Variants in SNTB1 observed in about 807,000 individuals in gnomAD.
The protein encoded by SNTB1 is syntrophin beta 1.
Under a neutral mutation model 48.9 loss-of-function variants are expected in SNTB1, and 36 were observed. The ratio of observed to expected loss-of-function variants is 0.74; its 90% confidence interval spans 0.56 to 0.97. The LOEUF (loss-of-function observed/expected upper bound fraction) is 0.97. Among genes scored for constraint, SNTB1 ranks in the 50% least tolerant of loss-of-function variants. The pLI is 0.00. For missense variants in SNTB1, 786 were observed against 703.4 expected (o/e 1.12, Z -1.33); for synonymous variants, 299 against 294.6 (o/e 1.01, Z -0.15).
intron 1 of SNTB1, among the ~76,000 whole-genome samples, chr8:120,789,714 A>G (rs1819991158): frequency 6.6e-6 from 1 of 152,068 alleles, no homozygotes; most frequent in Non-Finnish European, 1.5e-5. Context: ...ACAGATCAAT[A>G]AAAAGCAATG....
intron 4 of SNTB1, among the ~76,000 whole-genome samples, chr8:120,561,067 C>G (rs1002148079): frequency 6.6e-6 from 1 of 151,848 alleles, no homozygotes; most frequent in Admixed American, 6.6e-5. Context: ...GTGGCTCATG[C>G]CTGTAATCCC....
chr8:120,804,126 T>C (rs769834958), intron 1 of SNTB1, among the ~76,000 whole-genome samples: 1 of 152,132 alleles, frequency 6.6e-6, no homozygotes, highest in Non-Finnish European at 1.5e-5. Context: ...TGGTGGATGA[T>C]GTGAGTCATA....
chr8:120,545,594 G>A (rs1395434671), intron 5 of SNTB1, among the ~76,000 whole-genome samples: 1 of 152,132 alleles, frequency 6.6e-6, no homozygotes, highest in African/African-American at 2.4e-5. Context: ...CTAAAGCTTG[G>A]AAGCATGGTT....
chr8:120,692,334 A>G (rs183545016), intron 2 of SNTB1, among the ~76,000 whole-genome samples: 16 of 152,160 alleles, frequency 1.1e-4, no homozygotes, highest in Non-Finnish European at 2.4e-4. Flanking sequence ...CTAGCCAAAT[A>G]CTTTCTATTC....
chr8:120,809,730 C>T (rs1338662714), intron 1 of SNTB1, among the ~76,000 whole-genome samples: 3 of 152,224 alleles, frequency 2.0e-5, no homozygotes, highest in Admixed American at 2.0e-4. Context: ...CACAAACCAA[C>T]ACACACTTGA....
chr8:120,610,541 TTTTG>T (rs372906528), intron 3 of SNTB1, among the ~76,000 whole-genome samples: 1 of 152,042 alleles, frequency 6.6e-6, no homozygotes, highest in Non-Finnish European at 1.5e-5. Context: ...GACTAAAGTT[TTTTG>T]TTTGTTTGTT....
At chr8:120,687,763 A>G (rs182665156) in intron 2 of SNTB1, among the ~76,000 whole-genome samples, 35 of 152,374 alleles carry the variant, frequency 2.3e-4, no homozygotes, top group Middle Eastern at 3.4e-3. Flanking sequence ...CAGCCTGCTC[A>G]CAATGAGAGG....
intron 4 of SNTB1, among the ~76,000 whole-genome samples, chr8:120,565,732 A>G (rs2130673620): frequency 6.6e-6 from 1 of 152,340 alleles, no homozygotes; most frequent in Middle Eastern, 3.4e-3. Flanking sequence ...CCACGGGGTA[A>G]GAAGAACCAC....
chr8:120,652,025 A>G (rs1245659531), intron 2 of SNTB1, among the ~76,000 whole-genome samples: 1 of 152,236 alleles, frequency 6.6e-6, no homozygotes, highest in Non-Finnish European at 1.5e-5. Context: ...GGAGATTTTT[A>G]CTGTATAACT....
chr8:120,725,200 C>A (rs901647946), intron 1 of SNTB1, among the ~76,000 whole-genome samples: 2 of 152,128 alleles, frequency 1.3e-5, no homozygotes, highest in Non-Finnish European at 2.9e-5. Flanking sequence ...AATGCTCCAG[C>A]CTTCAAACCT....
intron 3 of SNTB1, among the ~76,000 whole-genome samples, chr8:120,605,199 T>C (rs1190289227): frequency 2.0e-5 from 3 of 152,216 alleles, no homozygotes; most frequent in Non-Finnish European, 4.4e-5. Flanking sequence ...TGCAGTCCCC[T>C]TTCTATAGGG....
chr8:120,679,448 T>C (rs760388286), intron 2 of SNTB1, among the ~76,000 whole-genome samples: 5 of 152,254 alleles, frequency 3.3e-5, no homozygotes, highest in South Asian at 2.1e-4. Flanking sequence ...CTGAGTCCCA[T>C]TGACTCAGGA....
rs533874388 is a variant in SNTB1 at position 120,643,840 on chromosome 8, T to C, written c.789-11189A>G. Among the ~76,000 whole-genome samples, 3 of 152,318 alleles carry C rather than the reference T, an allele frequency of 2.0e-5. No individual in the cohort carries two copies. In the South Asian group the frequency reaches 6.2e-4, roughly 32 times the overall value. ...CTTATAGTTCTTTAAGGAACCTCCA[T>C]CCTGTTTTCCATAGTGGTTTTACTA... On this transcript the variant is annotated intron_variant, in intron 2 of 6. Coordinates refer to ENST00000517992, the MANE Select transcript of SNTB1 (RefSeq NM_021021.4).
chr8:120,553,321 T>G (rs1426930762), intron 4 of SNTB1, among the ~76,000 whole-genome samples: 1 of 152,232 alleles, frequency 6.6e-6, no homozygotes, highest in African/African-American at 2.4e-5. Context: ...ACAGCAGACA[T>G]GTTGAATTAT....
chr8:120,643,834 C>G (rs1271238001), intron 2 of SNTB1, among the ~76,000 whole-genome samples: 2 of 152,184 alleles, frequency 1.3e-5, no homozygotes, highest in Middle Eastern at 3.2e-3. Context: ...CTTTAAGGAA[C>G]CTCCATCCTG....
At chr8:120,805,966 G>C (rs1242912927) in intron 1 of SNTB1, among the ~76,000 whole-genome samples, 1 of 152,230 alleles carries the variant, frequency 6.6e-6, no homozygotes, top group Non-Finnish European at 1.5e-5. Context: ...CTGTAAAATA[G>C]GGATACGAAT....
intron 1 of SNTB1, among the ~76,000 whole-genome samples, chr8:120,774,807 C>A (rs1167796003): frequency 6.6e-6 from 1 of 152,124 alleles, no homozygotes; most frequent in Non-Finnish European, 1.5e-5. Context: ...GCACCCACCA[C>A]CACGCCCTGC....
intron 1 of SNTB1, among the ~76,000 whole-genome samples, chr8:120,754,343 A>G (rs1819276657): frequency 6.6e-6 from 1 of 152,082 alleles, no homozygotes; most frequent in African/African-American, 2.4e-5. Flanking sequence ...AAAAATCAAG[A>G]AAAACATTAG....
Position 120,541,761 on chromosome 8 carries a change from T to C in SNTB1, c.1524+49A>G, listed in dbSNP as rs370933263. 27 of 1,375,518 alleles carry C rather than the reference T, an allele frequency of 2.0e-5. No individual in the cohort carries two copies. In the African/African-American group the frequency reaches 2.8e-4, roughly 14 times the overall value. The allele number at this position is 1,375,518 out of a possible 1,614,324, so 85.2% of individuals were successfully genotyped here. On this transcript the variant is annotated intron_variant, in intron 6 of 6. Transcript: ENST00000517992. ...AGTAAGGCAGCATTATGTTGCATAA[T>C]GAAATATTAATATATGAAATCACAC... is the stretch of plus-strand genomic sequence containing the variant.
Sources: gnomAD v4.1 joint callset for allele counts (sites outside exome capture counted in the v4.1 genomes callset) on GRCh38, gnomAD v4.1.1 for gene constraint, MANE v1.5 for transcripts, NCBI Gene and HGNC (gene_info 2026-07-23, HGNC 2026-07-21) for gene names.